The following SAMD4A variants were observed in gnomAD, a reference collection of about 807,000 sequenced individuals.
SAMD4A encodes sterile alpha motif domain containing 4A, also known as protein Smaug homolog 1.
Under a neutral mutation model 81.3 loss-of-function variants are expected in SAMD4A, and 33 were observed. That is an observed-to-expected ratio of 0.41 (90% CI 0.31 to 0.54). SAMD4A has a LOEUF of 0.54. Ranked by LOEUF, SAMD4A falls within the 20% of genes least tolerant of loss-of-function variation. The pLI is 0.37. For missense variants in SAMD4A, 854 were observed against 951.1 expected (o/e 0.90, Z 1.34); for synonymous variants, 389 against 382.1 (o/e 1.02, Z -0.21).
rs2039274847 is a variant in SAMD4A, at chr14:54,792,405, C to G, written c.*3461C>G. 6.6e-6 allele frequency: 1 copy of G among 152,196 alleles called. No individual in the cohort carries two copies. Among genetic ancestry groups the G allele is most frequent in the South Asian group, 2.1e-4 (1 of 4,822 alleles). 9.4% of individuals were successfully genotyped at this position (152,196 alleles called of 1,614,324 possible). The stretch of plus-strand genomic sequence containing the variant: ...GCCTTTTACGGGATGGGAGCCTTCT[C>G]CGGATCTTTTGTTCTTCTGCACCTC... On this transcript the variant is annotated 3_prime_UTR_variant, in exon 13 of 13. Transcript: ENST00000554335.
chr14:54,739,325 C>T (rs2037788639), intron 4 of SAMD4A, among the ~76,000 whole-genome samples: 1 of 151,992 alleles, frequency 6.6e-6, no homozygotes, highest in Admixed American at 6.6e-5. Context: ...AGAGCCTATT[C>T]AGTCAGAAAA....
intron 2 of SAMD4A, chr14:54,689,645 T>A (rs1462688222): frequency 6.6e-6 from 1 of 152,166 alleles, no homozygotes; most frequent in Non-Finnish European, 1.5e-5. Context: ...CACCTGATAC[T>A]CCTACAGTTC....
intron 4 of SAMD4A, among the ~76,000 whole-genome samples, chr14:54,742,678 C>T (rs565106994): frequency 2.1e-4 from 32 of 152,238 alleles, no homozygotes; most frequent in African/African-American, 7.7e-4. Flanking sequence ...GAGCTTCAGC[C>T]TCACTGTTAC....
At chr14:54,582,535 T>G (rs999038168) in intron 2 of SAMD4A, among the ~76,000 whole-genome samples, 2 of 152,190 alleles carry the variant, frequency 1.3e-5, no homozygotes, top group African/African-American at 4.8e-5. Flanking sequence ...CACACTGGAT[T>G]GACACTGCCA....
chr14:54,566,096 G>A (rs2032922353), upstream of SAMD4A, among the ~76,000 whole-genome samples: 1 of 151,540 alleles, frequency 6.6e-6, no homozygotes, highest in Non-Finnish European at 1.5e-5. Context: ...GGGAGCTCCG[G>A]CTCGGGCGGC....
intron 2 of SAMD4A, among the ~76,000 whole-genome samples, chr14:54,691,549 CAAAAAAAAAAAAA>C (rs10610242): frequency 2.0e-5 from 2 of 101,092 alleles, no homozygotes; most frequent in Non-Finnish European, 2.0e-5. Flanking sequence ...CTTCCCTTCT[CAAAAAAAAAAAAA>C]AAAAAAAAAA....
chr14:54,766,867 C>T (rs1283794493), intron 8 of SAMD4A, among the ~76,000 whole-genome samples: 3 of 152,112 alleles, frequency 2.0e-5, no homozygotes, highest in Admixed American at 6.5e-5. Context: ...CCTCGGCAGC[C>T]CCGAAACTCT....
intron 2 of SAMD4A, among the ~76,000 whole-genome samples, chr14:54,697,740 G>T (rs985691522): frequency 5.9e-5 from 9 of 152,120 alleles, no homozygotes; most frequent in Non-Finnish European, 7.4e-5. Flanking sequence ...AGTTTCTGTG[G>T]GTCAGAAATA....
At chr14:54,633,155 G>C (rs150594413) in intron 2 of SAMD4A, among the ~76,000 whole-genome samples, 4 of 152,318 alleles carry the variant, frequency 2.6e-5, no homozygotes, top group African/African-American at 9.6e-5. Flanking sequence ...ATAAGGGTGG[G>C]CATGAGGAGT....
At chr14:54,601,108 G>T (rs1487794239) in intron 2 of SAMD4A, among the ~76,000 whole-genome samples, 1 of 152,096 alleles carries the variant, frequency 6.6e-6, no homozygotes, top group Non-Finnish European at 1.5e-5. Flanking sequence ...GAAAATGGAT[G>T]GTCCCTCCTG....
chr14:54,592,534 A>G (rs1055619847), intron 2 of SAMD4A, among the ~76,000 whole-genome samples: 1 of 151,960 alleles, frequency 6.6e-6, no homozygotes, highest in Non-Finnish European at 1.5e-5. Flanking sequence ...ATCTCGGCTC[A>G]CTGCAAGCTC....
intron 2 of SAMD4A, among the ~76,000 whole-genome samples, chr14:54,681,504 A>G (rs1185059093): frequency 6.6e-6 from 1 of 152,094 alleles, no homozygotes; most frequent in African/African-American, 2.4e-5. Flanking sequence ...ATCATGGCTC[A>G]TAGCAGCCTT....
At chr14:54,704,449 T>C (rs1447096578) in intron 3 of SAMD4A, among the ~76,000 whole-genome samples, 2 of 152,260 alleles carry the variant, frequency 1.3e-5, no homozygotes, top group Non-Finnish European at 2.9e-5. Flanking sequence ...TATATTTCTA[T>C]CTACTGATTT....
chr14:54,702,514 G>C lies in SAMD4A; in HGVS notation c.649G>C (p.Val217Leu). 2 of 1,614,172 alleles carry C rather than the reference G, an allele frequency of 1.2e-6. No individual in the cohort carries two copies. The highest frequency in any genetic ancestry group is 1.7e-6 in the Non-Finnish European group (2 of 1,180,002). The change falls in exon 3 of 13, where the codon GTG becomes CTG. Residue 217 changes from valine (V) to leucine (L), a missense_variant. Physicochemically the swap from Val to Leu is conservative, Grantham distance 32. This residue lies in a region of SAMD4A where 387 missense variants were observed against 405.8 expected (regional missense o/e 0.95). Transcript: ENST00000554335. ...DKSMGCENGH[V>L]PLYSSSSVPT... is the part of the protein sequence containing the mutation. ...AAGCATGGGGTGTGAGAATGGCCAT[G>C]TGCCCCTCTACTCCTCCTCATCTGT... is the stretch of plus-strand genomic sequence containing the variant.
At chr14:54,768,718 G>GC (rs902629947) in intron 8 of SAMD4A, among the ~76,000 whole-genome samples, 4 of 152,220 alleles carry the variant, frequency 2.6e-5, no homozygotes, top group African/African-American at 7.2e-5. Context: ...GTGGAGGAGA[G>GC]CCACGCCCTC....
At chr14:54,670,107 C>T (rs28625950) in intron 2 of SAMD4A, among the ~76,000 whole-genome samples, 16,260 of 152,198 alleles carry the variant, frequency 0.11, 1,633 homozygotes, top group African/African-American at 0.26. Context: ...TCCTTTCTTC[C>T]GAACAGAACA....
intron 9 of SAMD4A, 43 bp from the exon 10 acceptor site, chr14:54,774,891 A>C (rs1017688910): frequency 6.2e-7 from 1 of 1,605,502 alleles, no homozygotes; most frequent in Non-Finnish European, 8.5e-7. Context: ...AAAAGGGCTG[A>C]ATAACGACTG....
At chr14:54,600,699 A>G (rs1347890246) in intron 2 of SAMD4A, among the ~76,000 whole-genome samples, 1 of 152,196 alleles carries the variant, frequency 6.6e-6, no homozygotes, top group Non-Finnish European at 1.5e-5. Flanking sequence ...CCATTGTTGA[A>G]GGTGAAAGCC....
intron 2 of SAMD4A, chr14:54,693,338 A>C (rs942108660): frequency 6.6e-6 from 1 of 152,204 alleles, no homozygotes; most frequent in East Asian, 1.9e-4. Flanking sequence ...CATTTAAAGG[A>C]AACTTCTAGG....
Sources: gnomAD v4.1 joint callset for allele counts (sites outside exome capture counted in the v4.1 genomes callset) on GRCh38, gnomAD v4.1.1 for gene constraint, gnomAD v4.1.1 regional missense constraint, MANE v1.5 for transcripts, NCBI Gene and HGNC (gene_info 2026-07-23, HGNC 2026-07-21) for gene names.